The following EHMT1 variants were observed in gnomAD, a reference collection of about 807,000 sequenced individuals.
EHMT1 encodes euchromatic histone lysine methyltransferase 1.
EHMT1 carries 15 observed loss-of-function variants against 147.2 expected under a neutral mutation model. That is an observed-to-expected ratio of 0.10 (90% CI 0.07 to 0.16). The LOEUF is 0.16. Among genes scored for constraint, EHMT1 ranks in the 10% least tolerant of loss-of-function variants. EHMT1 has a pLI of 1.00. For missense variants in EHMT1, 1,587 were observed against 1,772.4 expected (o/e 0.90, Z 1.88); for synonymous variants, 795 against 709.6 (o/e 1.12, Z -1.91).
At chr9:137,763,325 G>A in intron 10 of EHMT1, 1 of 217,716 alleles carries the variant, frequency 4.6e-6, no homozygotes, top group Non-Finnish European at 9.3e-6. Flanking sequence ...GCAGAGCACA[G>A]ACGGAATTAA....
At chr9:137,697,086 G>T (rs1943453115) in intron 1 of EHMT1, 1 of 388,076 alleles carries the variant, frequency 2.6e-6, no homozygotes, top group South Asian at 1.8e-5. Context: ...TTAGAGACCA[G>T]CCCGGCCAAT....
intron 1 of EHMT1, among the ~76,000 whole-genome samples, chr9:137,626,499 G>T (rs1194362792): frequency 3.3e-5 from 5 of 149,886 alleles, no homozygotes; most frequent in Non-Finnish European, 7.4e-5. Flanking sequence ...CTCCAGCCTG[G>T]GTGACAGAGT....
intron 1 of EHMT1, among the ~76,000 whole-genome samples, chr9:137,700,714 G>C (rs865986589): frequency 6.6e-6 from 1 of 152,128 alleles, no homozygotes; most frequent in African/African-American, 2.4e-5. Flanking sequence ...TTCTAATTGA[G>C]GTTTTATTAT....
At chr9:137,620,721 G>A (rs957210471) in intron 1 of EHMT1, among the ~76,000 whole-genome samples, 1 of 152,220 alleles carries the variant, frequency 6.6e-6, no homozygotes, top group Non-Finnish European at 1.5e-5. Flanking sequence ...TGAGGAGGAA[G>A]GGTTAGATAA....
Position 137,813,387 on chromosome 9 carries a change from G to A in EHMT1, c.3037G>A (p.Asp1013Asn). The A allele has an allele frequency of 6.2e-7, 1 of 1,610,482 alleles. No individual in the cohort carries two copies. The highest frequency in any genetic ancestry group is 8.5e-7 in the Non-Finnish European group (1 of 1,179,080). The change falls in exon 21 of 27, where the codon GAC becomes AAC. Residue 1013 changes from aspartate to asparagine, a missense_variant and splice_region_variant. Asp to Asn is a conservative substitution (Grantham distance 23). Around this residue, in one of 7 missense-constraint regions of EHMT1, gnomAD observed 78 missense variants for 68.9 expected, o/e 1.13. Coordinates refer to ENST00000460843, the MANE Select transcript of EHMT1 (RefSeq NM_024757.5). The surrounding 1 kb of genome is among the most constrained non-coding windows in gnomAD (Gnocchi z 4.9). ...PSPVERIVSR[D>N]IARGYERIPI... is the part of the protein sequence containing the mutation. Reference sequence around the variant, plus strand: ...TGACACCTGTCCTTTCCATGGCAGGGACATCGCTCGAGGCTACGAGCGCAT... The same window carrying A: ...TGACACCTGTCCTTTCCATGGCAGGAACATCGCTCGAGGCTACGAGCGCAT...
chr9:137,738,202 C>T (rs7047582), intron 4 of EHMT1, among the ~76,000 whole-genome samples: 2 of 147,658 alleles, frequency 1.4e-5, no homozygotes, highest in Non-Finnish European at 3.0e-5. Context: ...TCAAAAAAAA[C>T]AACAACAAAA....
At chr9:137,669,456 C>CGA (rs1564562972) in intron 1 of EHMT1, among the ~76,000 whole-genome samples, 1 of 3,310 alleles carries the variant, frequency 3.0e-4, no homozygotes, top group African/African-American at 1.5e-3. Context: ...CGTGCACTCA[C>CGA]CTCCACCCAA....
chr9:137,798,668 C>A (rs1054253792), intron 16 of EHMT1, 145 bp from the exon 17 acceptor site: 8 of 743,662 alleles, frequency 1.1e-5, no homozygotes, highest in Admixed American at 1.9e-5. Context: ...GTTCCCTCGG[C>A]CTCAGCCTGG....
intron 6 of EHMT1, among the ~76,000 whole-genome samples, chr9:137,745,217 G>A (rs937726794): frequency 6.6e-6 from 1 of 152,178 alleles, no homozygotes; most frequent in Admixed American, 6.5e-5. Context: ...GTGTGCTATG[G>A]CGTATCCCTG....
chr9:137,762,479 G>GGC (rs1949902921), intron 9 of EHMT1, among the ~76,000 whole-genome samples, 196 bp from the exon 10 acceptor site: 2 of 152,190 alleles, frequency 1.3e-5, no homozygotes, highest in African/African-American at 4.8e-5. Context: ...TAGCTGGGGA[G>GGC]GCACAGGCCA....
rs1485558999 is a variant in EHMT1, at chr9:137,754,204, A to G, written c.1282A>G (p.Lys428Glu). The G allele has an allele frequency of 2.5e-6, 4 of 1,613,934 alleles. No individual in the cohort carries two copies. Reference protein sequence around the residue: ...SESSIKKKFLKRKGKTDSPWI... With the variant: ...SESSIKKKFLERKGKTDSPWI... ...ATCCAGCATTAAGAAGAAATTTCTC[A>G]AGAGGAAAGGAAAGACCGACAGTCC... Residue 428 changes from lysine to glutamate, a missense_variant, in exon 8 of 27, where the codon AAG becomes GAG. Around this residue, in one of 7 missense-constraint regions of EHMT1, gnomAD observed 810 missense variants for 673.0 expected, o/e 1.20. Transcript: ENST00000460843.
chr9:137,700,381 C>T (rs1943735287), intron 1 of EHMT1, among the ~76,000 whole-genome samples: 1 of 152,130 alleles, frequency 6.6e-6, no homozygotes, highest in Non-Finnish European at 1.5e-5. Context: ...TATCTGAACC[C>T]ACCAATTAAC....
intron 18 of EHMT1, chr9:137,802,935 G>A (rs1243029554): frequency 8.1e-7 from 1 of 1,232,578 alleles, no homozygotes; most frequent in Admixed American, 4.2e-5. Context: ...CTGAGCTGGT[G>A]GAAGGCTGTG....
chr9:137,671,668 G>A (rs1310612867), intron 1 of EHMT1, among the ~76,000 whole-genome samples: 1 of 151,924 alleles, frequency 6.6e-6, no homozygotes, highest in African/African-American at 2.4e-5. Flanking sequence ...TGGACTACAG[G>A]CGTGTGCCAC....
At chr9:137,713,148 G>C (rs1944893303) in intron 2 of EHMT1, among the ~76,000 whole-genome samples, 1 of 152,082 alleles carries the variant, frequency 6.6e-6, no homozygotes, top group Non-Finnish European at 1.5e-5. Flanking sequence ...CTGTAATCCA[G>C]GCTGGAGTGT....
chr9:137,817,413 G>A (rs746708081), intron 23 of EHMT1, 26 bp from the exon 24 acceptor site: 3 of 1,613,384 alleles, frequency 1.9e-6, no homozygotes, highest in Middle Eastern at 1.6e-4. Flanking sequence ...TGTGGCCTGG[G>A]TTCACCACTA....
chr9:137,760,072 C>T (rs1043349001), intron 9 of EHMT1, among the ~76,000 whole-genome samples: 7 of 152,192 alleles, frequency 4.6e-5, no homozygotes, highest in African/African-American at 1.7e-4. Context: ...CCAGCAGCAA[C>T]AGGAGGCAGA....
At chr9:137,682,424 A>G (rs1942041726) in intron 1 of EHMT1, among the ~76,000 whole-genome samples, 2 of 152,308 alleles carry the variant, frequency 1.3e-5, no homozygotes, top group Middle Eastern at 3.4e-3. Context: ...GATTTCTAAG[A>G]AGTCATTTTT....
intron 1 of EHMT1, among the ~76,000 whole-genome samples, chr9:137,662,039 T>A (rs1457730249): frequency 6.6e-6 from 1 of 152,162 alleles, no homozygotes; most frequent in African/African-American, 2.4e-5. Flanking sequence ...TGACTTCAGG[T>A]GATCTGCCCA....
Sources: gnomAD v4.1 joint callset for allele counts (sites outside exome capture counted in the v4.1 genomes callset) on GRCh38, gnomAD v4.1.1 for gene constraint, gnomAD v4.1.1 regional missense constraint, Gnocchi (gnomAD v3.1) non-coding constraint, MANE v1.5 for transcripts, NCBI Gene and HGNC (gene_info 2026-07-23, HGNC 2026-07-21) for gene names.